TACC2: variants seen among roughly 807,000 people sequenced by gnomAD.
TACC2 encodes the protein transforming acidic coiled-coil-containing protein 2.
In TACC2, 137 loss-of-function variants were observed where a neutral mutation model predicts 227.3. The ratio of observed to expected loss-of-function variants is 0.60; its 90% CI spans 0.52 to 0.69. The LOEUF is 0.69. Ranked by LOEUF, TACC2 falls within the 30% of genes least tolerant of loss-of-function variation. The pLI, the probability that TACC2 is intolerant of heterozygous loss-of-function variation, is 0.00. For missense variants in TACC2, 3,470 were observed against 3,694.4 expected (o/e 0.94, Z 1.57); for synonymous variants, 1,523 against 1,487.5 (o/e 1.02, Z -0.55).
chr10:122,134,786 G>A (rs73372147), intron 6 of TACC2, among the ~76,000 whole-genome samples: 1,813 of 152,316 alleles, frequency 0.012, 38 homozygotes, highest in African/African-American at 0.04. Context: ...GGATGCGGGG[G>A]CACGAGGAAG....
In TACC2 at chr10:122,224,690, G is replaced by GT. The variant is rs777285835; in HGVS notation, c.7547-29dup. 1.6e-5 allele frequency: 25 copies of GT among 1,604,038 alleles called. No homozygotes were observed. In the East Asian group the frequency reaches 4.9e-4, roughly 31 times the overall value. On this transcript the variant is annotated intron_variant, in intron 11 of 22. Transcript: ENST00000369005. ...TCCTCTGGCACTAACCTCACCTTTT[G>GT]TTTTTTTGTGTTTGTGTTTGTTTTT... is the stretch of plus-strand genomic sequence containing the variant.
chr10:122,213,378 G>A, intron 9 of TACC2: 1 of 1,612,274 alleles, frequency 6.2e-7, no homozygotes. Flanking sequence ...GTTCTCTGTT[G>A]TAAGTAAATT....
chr10:122,092,021 G>A (rs1360333738), intron 5 of TACC2, among the ~76,000 whole-genome samples: 2 of 152,222 alleles, frequency 1.3e-5, no homozygotes, highest in African/African-American at 4.8e-5. Context: ...AAGCGCTGGA[G>A]CGTGCCCATT....
intron 3 of TACC2, among the ~76,000 whole-genome samples, chr10:122,072,234 C>T (rs182966468): frequency 3.9e-5 from 6 of 152,050 alleles, no homozygotes; most frequent in Admixed American, 1.3e-4. Flanking sequence ...GGATTACAGG[C>T]GTGAGCCACC....
chr10:122,044,456 G>A (rs2074729381), intron 2 of TACC2, among the ~76,000 whole-genome samples: 1 of 152,226 alleles, frequency 6.6e-6, no homozygotes, highest in South Asian at 2.1e-4. Context: ...CCTGGCAGTT[G>A]TTTCTGAAAT....
chr10:122,175,247 A>C (rs1360930500), intron 7 of TACC2, among the ~76,000 whole-genome samples: 2 of 152,186 alleles, frequency 1.3e-5, no homozygotes, highest in East Asian at 1.9e-4. Flanking sequence ...GAGTCACTGC[A>C]CCTGGCCTGG....
chr10:122,252,559 C>T (rs1349737427), intron 22 of TACC2, among the ~76,000 whole-genome samples: 1 of 151,342 alleles, frequency 6.6e-6, no homozygotes, highest in Non-Finnish European at 1.5e-5. Context: ...GGCGCAATCT[C>T]GGCTCATTGC....
At chr10:122,109,292 G>A (rs866108874) in intron 5 of TACC2, among the ~76,000 whole-genome samples, 6 of 152,100 alleles carry the variant, frequency 3.9e-5, no homozygotes, top group South Asian at 2.1e-4. Flanking sequence ...ATCCACACAA[G>A]CATCTATTAT....
At chr10:122,208,644 A>G (rs2095205307) in intron 8 of TACC2, among the ~76,000 whole-genome samples, 1 of 152,244 alleles carries the variant, frequency 6.6e-6, no homozygotes, top group Non-Finnish European at 1.5e-5. Flanking sequence ...GACATGGGAC[A>G]TACTTATATT....
At chr10:122,241,779 G>A in intron 18 of TACC2, 179 bp from the exon 19 acceptor site, 1 of 644,346 alleles carries the variant, frequency 1.6e-6, no homozygotes, top group Non-Finnish European at 2.8e-6. Context: ...TTGCACAAGG[G>A]AGTGGCATAT....
At chr10:122,113,997 A>G (rs908857857) in intron 5 of TACC2, among the ~76,000 whole-genome samples, 2 of 152,242 alleles carry the variant, frequency 1.3e-5, no homozygotes, top group Non-Finnish European at 2.9e-5. Flanking sequence ...AAATGGCTTC[A>G]TCATCATCAC....
At chr10:122,075,959 T>C (rs529880434) in intron 3 of TACC2, among the ~76,000 whole-genome samples, 19 of 152,096 alleles carry the variant, frequency 1.2e-4, no homozygotes, top group Middle Eastern at 3.4e-3. Flanking sequence ...GCCACCACAA[T>C]TTTTGTATTT....
chr10:122,079,508 T>C (rs999811792), intron 3 of TACC2, among the ~76,000 whole-genome samples: 3 of 152,156 alleles, frequency 2.0e-5, no homozygotes, highest in African/African-American at 7.2e-5. Flanking sequence ...CCAGCTCTCT[T>C]TTGGGTCCTC....
chr10:122,124,725 C>T (rs948579094), intron 5 of TACC2, among the ~76,000 whole-genome samples: 1 of 152,204 alleles, frequency 6.6e-6, no homozygotes, highest in African/African-American at 2.4e-5. Flanking sequence ...GAGTACAATT[C>T]CTGATTTACA....
At chr10:122,168,651 G>C (rs1291728135) in intron 7 of TACC2, among the ~76,000 whole-genome samples, 3 of 152,142 alleles carry the variant, frequency 2.0e-5, no homozygotes, top group Non-Finnish European at 4.4e-5. Flanking sequence ...GTACCCTGTC[G>C]AGGATGGGGT....
At chr10:122,201,319 GTGGCTGCGT>G in intron 8 of TACC2, among the ~76,000 whole-genome samples, 3 of 146,930 alleles carry the variant, frequency 2.0e-5, no homozygotes, top group East Asian at 4.2e-4. Context: ...CCTGCCCACA[GTGGCTGCGT>G]TCACATGGGG....
At chr10:122,219,146 C>T (rs2095473678) in intron 11 of TACC2, among the ~76,000 whole-genome samples, 2 of 152,208 alleles carry the variant, frequency 1.3e-5, no homozygotes, top group South Asian at 4.2e-4. Flanking sequence ...GGAGCCTGTT[C>T]CCGGAACACC....
intron 1 of TACC2, among the ~76,000 whole-genome samples, chr10:121,995,355 G>A (rs1953308545): frequency 6.6e-6 from 1 of 152,176 alleles, no homozygotes; most frequent in Non-Finnish European, 1.5e-5. Context: ...GAATCCTACA[G>A]TTCAGTTAAA....
At chr10:122,232,551 A>G (rs1011609169) in intron 16 of TACC2, among the ~76,000 whole-genome samples, 1 of 152,144 alleles carries the variant, frequency 6.6e-6, no homozygotes, top group African/African-American at 2.4e-5. Context: ...CACCTCTTTT[A>G]TTTCAGAGGC....
Sources: allele counts gnomAD v4.1 joint callset (sites outside exome capture counted in the v4.1 genomes callset), GRCh38; gene constraint gnomAD v4.1.1; transcripts MANE v1.5; gene names NCBI Gene and HGNC (gene_info 2026-07-23, HGNC 2026-07-21).